CRISP1: variants seen among roughly 807,000 people sequenced by gnomAD.
The protein encoded by CRISP1 is cysteine-rich secretory protein 1.
Under a neutral mutation model 33.1 loss-of-function variants are expected in CRISP1, and 44 were observed. The observed-to-expected ratio is 1.33, with a 90% CI of 1.05 to 1.71. The LOEUF (loss-of-function observed/expected upper bound fraction) is 1.71. Ranked by LOEUF, CRISP1 falls within the 40% of genes most tolerant of loss-of-function variation. The probability of loss-of-function intolerance (pLI) is 0.00; values close to 1 mark genes in which losing one functional copy is unlikely to be tolerated. For synonymous variants in CRISP1, 103 were observed against 98.7 expected (o/e 1.04, Z -0.26); for missense variants, 390 against 301.2 (o/e 1.29, Z -2.18).
At chr6:49,866,923 T>C (rs979340569), upstream of CRISP1, among the ~76,000 whole-genome samples, 4 of 152,142 alleles carry the variant, frequency 2.6e-5, no homozygotes, top group African/African-American at 9.6e-5. Flanking sequence ...ACCAAACATA[T>C]AAACTACACA....
At chr6:49,865,653 G>A (rs1307521129) in intron 1 of CRISP1, among the ~76,000 whole-genome samples, 1 of 152,152 alleles carries the variant, frequency 6.6e-6, no homozygotes. Context: ...AATTCAGAGA[G>A]TACAAAGCAT....
intron 3 of CRISP1, 103 bp downstream of exon 3, chr6:49,851,898 A>G (rs1406289448): frequency 1.5e-6 from 2 of 1,324,270 alleles, no homozygotes; most frequent in Non-Finnish European, 1.0e-6. Flanking sequence ...TTTGTTGTGA[A>G]GATAAAACTT....
intron 1 of CRISP1, among the ~76,000 whole-genome samples, chr6:49,875,541 CA>C (rs1236823611): frequency 6.6e-6 from 1 of 151,858 alleles, no homozygotes; most frequent in African/African-American, 2.4e-5. Context: ...AGAATTAGAA[CA>C]TTTTATTTTA....
At chr6:49,836,481 G>T (rs1431541628) in intron 7 of CRISP1, among the ~76,000 whole-genome samples, 1 of 151,102 alleles carries the variant, frequency 6.6e-6, no homozygotes, top group South Asian at 2.1e-4. Context: ...GACTACAGGC[G>T]CCCGCCATCA....
intron 3 of CRISP1, among the ~76,000 whole-genome samples, chr6:49,850,732 T>A (rs1771320964): frequency 6.6e-6 from 1 of 152,200 alleles, no homozygotes; most frequent in South Asian, 2.1e-4. Flanking sequence ...TGTATTCTTG[T>A]ATTTTTCCAG....
intron 1 of CRISP1, among the ~76,000 whole-genome samples, chr6:49,876,786 A>G (rs1772044742): frequency 6.6e-6 from 1 of 152,064 alleles, no homozygotes; most frequent in African/African-American, 2.4e-5. Flanking sequence ...ACACAGGAAC[A>G]GAAAACCAAA....
At position 49,835,371 on chromosome 6, in the gene CRISP1, G is replaced by C; in HGVS notation, c.695C>G (p.Ser232Ter). Residue 232 changes from serine (S) to a stop codon, truncating the protein, a stop_gained, in exon 8 of 8, where the codon TCA (serine) becomes TGA (stop). Coordinates refer to ENST00000335847, the MANE Select transcript of CRISP1 (RefSeq NM_001131.3). LOFTEE classifies it high-confidence loss of function. ...IQVHYLGCNH[S>*]TTILFCKATC... ...GGCTTTACAGAATAGGATAGTTGTT[G>C]AGTGGTTGCATCCCAGATAATGGAC... is the stretch of plus-strand genomic sequence containing the variant. 2 of 1,613,686 alleles carry C rather than the reference G, an allele frequency of 1.2e-6. No homozygotes were observed. Among genetic ancestry groups the C allele is most frequent in the Non-Finnish European group, 1.7e-6 (2 of 1,179,646 alleles).
intron 1 of CRISP1, among the ~76,000 whole-genome samples, chr6:49,871,914 T>C (rs922147877): frequency 1.1e-4 from 16 of 152,038 alleles, no homozygotes; most frequent in African/African-American, 3.4e-4. Context: ...GGTATATACC[T>C]AGTAATGGGA....
chr6:49,870,619 T>C (rs1771900693), upstream of CRISP1, among the ~76,000 whole-genome samples: 1 of 152,202 alleles, frequency 6.6e-6, no homozygotes, highest in Non-Finnish European at 1.5e-5. Flanking sequence ...CAGACAATTA[T>C]GCAAATTTAT....
intron 1 of CRISP1, among the ~76,000 whole-genome samples, chr6:49,860,067 GAATGTAACAATTCTA>G (rs1286863747): frequency 1.3e-5 from 2 of 152,030 alleles, no homozygotes; most frequent in African/African-American, 2.4e-5. Flanking sequence ...TTCAGCAAGA[GAATGTAACAATTCTA>G]AATGTATGCA....
intron 1 of CRISP1, among the ~76,000 whole-genome samples, chr6:49,858,669 A>G (rs1017991953): frequency 6.6e-6 from 1 of 152,054 alleles, no homozygotes; most frequent in African/African-American, 2.4e-5. Flanking sequence ...ATAGCCTCAC[A>G]TTTCAAGATT....
chr6:49,852,885 T>TGTGTGA (rs1373288236), intron 2 of CRISP1, among the ~76,000 whole-genome samples: 1 of 145,518 alleles, frequency 6.9e-6, no homozygotes, highest in South Asian at 2.2e-4. Context: ...TGTGTGTGTG[T>TGTGTGA]GATATCACAT....
chr6:49,855,899 C>T (rs908545338), intron 2 of CRISP1, among the ~76,000 whole-genome samples: 1 of 152,078 alleles, frequency 6.6e-6, no homozygotes, highest in Admixed American at 6.6e-5. Context: ...AACTCAGACT[C>T]ATGTTTAAAG....
At chr6:49,847,407 A>G (rs1180166746) in intron 4 of CRISP1, among the ~76,000 whole-genome samples, 1 of 152,064 alleles carries the variant, frequency 6.6e-6, no homozygotes, top group Non-Finnish European at 1.5e-5. Context: ...TGTCTTCATA[A>G]TGGTGAGTGA....
chr6:49,873,502 T>C (rs1281925417), intron 1 of CRISP1, among the ~76,000 whole-genome samples: 1 of 152,104 alleles, frequency 6.6e-6, no homozygotes, highest in Non-Finnish European at 1.5e-5. Context: ...TGTCCTCATG[T>C]TAGGCTATTT....
At chr6:49,864,612 T>C (rs1314440555) in intron 1 of CRISP1, among the ~76,000 whole-genome samples, 3 of 152,138 alleles carry the variant, frequency 2.0e-5, no homozygotes, top group Non-Finnish European at 4.4e-5. Flanking sequence ...TATGTTTGTG[T>C]AATACTATTT....
chr6:49,857,332 T>C lies in CRISP1; in HGVS notation c.66+3A>G. 1.9e-6 allele frequency: 3 copies of C among 1,612,448 alleles called. No individual in the cohort carries two copies. Among genetic ancestry groups the C allele is most frequent in the Non-Finnish European group, 2.5e-6 (3 of 1,178,838 alleles). On this transcript the variant is annotated splice_donor_region_variant and intron_variant, in intron 2 of 7. Transcript: ENST00000335847. ...AATTATGAAACATCCAACCCTCACA[T>C]ACTTTCATGGACAACATAGGCAGTA...
At chr6:49,856,733 A>G (rs1412166159) in intron 2 of CRISP1, among the ~76,000 whole-genome samples, 2 of 152,118 alleles carry the variant, frequency 1.3e-5, no homozygotes, top group Non-Finnish European at 2.9e-5. Context: ...TCTTTATATC[A>G]TTGAAGTTAT....
In CRISP1 at chr6:49,838,477, T is replaced by A. The variant is rs1281892829; in HGVS notation, c.582A>T (p.Pro194=). 1 of 1,613,486 alleles carries A rather than the reference T, an allele frequency of 6.2e-7. No individual in the cohort carries two copies. The highest frequency in any genetic ancestry group is 8.5e-7 in the Non-Finnish European group (1 of 1,179,780). ...CACAGTTACTTGGGCAGGCTTCACA[T>A]GGGACGCCTGTCTTATAAGGTTCAT... is the stretch of plus-strand genomic sequence containing the variant. ...TKNEPYKTGV[P]CEACPSNCED... is the part of the protein sequence containing the mutation. Residue 194 remains proline, a synonymous_variant, in exon 7 of 8, where the codon CCA becomes CCT. Coordinates refer to ENST00000335847, the MANE Select transcript of CRISP1 (RefSeq NM_001131.3).
Sources: gnomAD v4.1 joint callset for allele counts (sites outside exome capture counted in the v4.1 genomes callset) on GRCh38, gnomAD v4.1.1 for gene constraint, MANE v1.5 for transcripts, NCBI Gene and HGNC (gene_info 2026-07-23, HGNC 2026-07-21) for gene names.